Variants in VPS13C observed in about 807,000 individuals in gnomAD.
The protein encoded by VPS13C is intermembrane lipid transfer protein VPS13C.
A neutral mutation model predicts 456.8 loss-of-function variants in VPS13C; 358 were observed. The ratio of observed to expected loss-of-function variants is 0.78; its 90% CI spans 0.72 to 0.86. The LOEUF is 0.86. Ranked by LOEUF, VPS13C falls within the 40% of genes least tolerant of loss-of-function variation. The pLI, the probability that VPS13C is intolerant of heterozygous loss-of-function variation, is 0.00. For synonymous variants in VPS13C, 1,578 were observed against 1,486.7 expected, an observed-to-expected ratio of 1.06 and a Z score of -1.41; for missense variants, 4,818 against 4,385.4, an observed-to-expected ratio of 1.10 and a Z score of -2.79.
chr15:61,922,851 A>G (rs778816058), intron 53 of VPS13C, 89 bp from the exon 54 acceptor site: 23 of 990,118 alleles, frequency 2.3e-5, no homozygotes, highest in Non-Finnish European at 3.1e-5. Flanking sequence ...ACATACATTA[A>G]TTATAAGTGA....
chr15:61,856,110 T>C (rs1398246254), intron 83 of VPS13C, among the ~76,000 whole-genome samples, 176 bp downstream of exon 83: 2 of 152,160 alleles, frequency 1.3e-5, no homozygotes, highest in East Asian at 3.8e-4. Flanking sequence ...CTCTATGCAA[T>C]CAAGACTGCC....
chr15:62,032,005 A>T (rs1010956226), intron 5 of VPS13C, among the ~76,000 whole-genome samples: 5 of 151,904 alleles, frequency 3.3e-5, no homozygotes, highest in Non-Finnish European at 7.4e-5. Context: ...TTTTTTAAAA[A>T]GGAGGAGCTT....
At position 61,930,993 on chromosome 15, in the gene VPS13C, A is replaced by G. The variant is rs2044034564; in HGVS notation, c.6038+97T>C. ...CAGGAAGTATGACCAAAAGACAGAGATCTTTTTTGGATGATCCCTAGCCTA... is the reference window on the plus strand; with the variant it reads ...CAGGAAGTATGACCAAAAGACAGAGGTCTTTTTTGGATGATCCCTAGCCTA... On this transcript the variant is annotated intron_variant, in intron 50 of 84. Transcript: ENST00000644861. 2.2e-6 allele frequency: 3 copies of G among 1,390,306 alleles called. No individual in the cohort carries two copies. The Admixed American group carries it at 5.4e-5, about 25-fold the overall frequency. 86.1% of individuals were successfully genotyped at this position (1,390,306 alleles called of 1,614,324 possible). A position where few individuals can be genotyped will look rare whatever the true frequency, so the allele number is the denominator to read the frequency against.
intron 38 of VPS13C, among the ~76,000 whole-genome samples, chr15:61,952,870 AACTG>A (rs1436177741): frequency 1.4e-4 from 22 of 151,776 alleles, no homozygotes; most frequent in Non-Finnish European, 1.5e-5. Flanking sequence ...ATGCCACCAC[AACTG>A]ACTAATTAAA....
At chr15:61,923,403 G>A (rs978388275) in intron 53 of VPS13C, among the ~76,000 whole-genome samples, 9 of 151,846 alleles carry the variant, frequency 5.9e-5, no homozygotes, top group Admixed American at 2.6e-4. Context: ...CATCTTCTAC[G>A]GCCAACGCCC....
intron 16 of VPS13C, among the ~76,000 whole-genome samples, chr15:61,998,962 C>CT (rs2046495852): frequency 6.6e-6 from 1 of 152,140 alleles, no homozygotes; most frequent in Admixed American, 6.5e-5. Context: ...CTCTGGCTTA[C>CT]TTTATTGTAA....
intron 66 of VPS13C, among the ~76,000 whole-genome samples, chr15:61,892,658 G>A (rs1412175849): frequency 6.6e-6 from 1 of 152,170 alleles, no homozygotes; most frequent in Non-Finnish European, 1.5e-5. Flanking sequence ...CAAAGTGCCA[G>A]TGACAAACTC....
intron 47 of VPS13C, among the ~76,000 whole-genome samples, chr15:61,938,774 AT>A (rs1050898984): frequency 2.0e-5 from 3 of 152,132 alleles, no homozygotes; most frequent in African/African-American, 4.8e-5. Flanking sequence ...CTCGTTTCCC[AT>A]TACAGATATA....
chr15:61,977,046 G>A (rs757558425), intron 24 of VPS13C, 36 bp downstream of exon 24: 7 of 1,444,708 alleles, frequency 4.8e-6, no homozygotes, highest in Non-Finnish European at 6.7e-6. Flanking sequence ...TATTTCACCT[G>A]TTGATTTTCT....
intron 23 of VPS13C, 70 bp downstream of exon 23, chr15:61,978,556 A>G: frequency 6.5e-7 from 1 of 1,543,262 alleles, no homozygotes; most frequent in Non-Finnish European, 8.7e-7. Flanking sequence ...ATAGGCACAC[A>G]TATATACACG....
chr15:61,881,821 T>A lies in VPS13C; in HGVS notation c.9632A>T (p.Asn3211Ile), dbSNP rs1160281014. 6.3e-7 allele frequency: 1 copy of A among 1,585,022 alleles called. No individual in the cohort carries two copies. Among genetic ancestry groups the A allele is most frequent in the East Asian group, 2.2e-5 (1 of 44,642 alleles). Residue 3211 changes from asparagine (N) to isoleucine (I), a missense_variant, in exon 70 of 85, where the codon AAT (asparagine) becomes ATT (isoleucine). Physicochemically the swap from Asn to Ile is moderately radical, Grantham distance 149. Transcript: ENST00000644861. Reference sequence around the variant, plus strand: ...AGGGAACATTGCACCTGGTAACTGATTATCAACCTGAAAGAAAAGAAAACG... The same window carrying A: ...AGGGAACATTGCACCTGGTAACTGAATATCAACCTGAAAGAAAAGAAAACG... ...RARLYWLQVD[N>I]QLPGAMFPVV... is the part of the protein sequence containing the mutation.
At chr15:61,942,118 G>A in intron 45 of VPS13C, 51 bp from the exon 46 acceptor site, 9 of 1,460,484 alleles carry the variant, frequency 6.2e-6, no homozygotes, top group South Asian at 1.5e-5. Context: ...ATTTTTAAAA[G>A]AAAAAACTTT....
chr15:62,060,332 G>A lies in VPS13C; in HGVS notation c.43C>T (p.Leu15=). Reference sequence around the variant, plus strand: ...TTCAGGTTCTCCACATAGTCCCCCAGGAAGCGGTTCAGCAAGTCCGCGACC... The same window carrying A: ...TTCAGGTTCTCCACATAGTCCCCCAAGAAGCGGTTCAGCAAGTCCGCGACC... ...SVVADLLNRF[L]GDYVENLNKS... The change falls in exon 1 of 85, where the codon CTG becomes TTG. Residue 15 remains leucine, a synonymous_variant. Coordinates refer to ENST00000644861, the MANE Select transcript of VPS13C (RefSeq NM_020821.3). The A allele has an allele frequency of 1.2e-6, 2 of 1,607,252 alleles. No individual in the cohort carries two copies. The highest frequency in any genetic ancestry group is 1.3e-5 in the African/African-American group (1 of 74,184).
intron 37 of VPS13C, among the ~76,000 whole-genome samples, chr15:61,957,502 C>T (rs181652208): frequency 5.5e-4 from 84 of 151,964 alleles, no homozygotes; most frequent in Non-Finnish European, 9.4e-4. Context: ...AATGGCATAC[C>T]GGTTTTCACT....
At chr15:61,888,124 C>A (rs897684177) in intron 67 of VPS13C, among the ~76,000 whole-genome samples, 1 of 151,908 alleles carries the variant, frequency 6.6e-6, no homozygotes, top group South Asian at 2.1e-4. Flanking sequence ...ATCAGAAAAC[C>A]GCAAAGTAAA....
chr15:62,035,087 T>C (rs773660517), intron 3 of VPS13C, 35 bp from the exon 4 acceptor site: 10 of 1,502,922 alleles, frequency 6.7e-6, no homozygotes, highest in South Asian at 3.5e-5. Flanking sequence ...AAATTATTAT[T>C]TGACTGCTCA....
intron 9 of VPS13C, among the ~76,000 whole-genome samples, chr15:62,016,128 CT>C (rs1191673067): frequency 6.6e-6 from 1 of 151,512 alleles, no homozygotes; most frequent in Non-Finnish European, 1.5e-5. Context: ...CCATGTCCTT[CT>C]TTTTCTGTTT....
intron 70 of VPS13C, 30 bp downstream of exon 70, chr15:61,881,717 A>AATGCC: frequency 6.2e-7 from 1 of 1,604,260 alleles, no homozygotes; most frequent in Non-Finnish European, 8.5e-7. Context: ...TAAATAAGGT[A>AATGCC]TATCTATGTC....
intron 3 of VPS13C, among the ~76,000 whole-genome samples, chr15:62,035,737 T>C (rs1005392900): frequency 6.6e-6 from 1 of 152,066 alleles, no homozygotes; most frequent in African/African-American, 2.4e-5. Flanking sequence ...AAATATCTAC[T>C]TATAAATCAC....
Sources: gnomAD v4.1 joint callset for allele counts (sites outside exome capture counted in the v4.1 genomes callset) on GRCh38, gnomAD v4.1.1 for gene constraint, MANE v1.5 for transcripts, NCBI Gene and HGNC (gene_info 2026-07-23, HGNC 2026-07-21) for gene names.